CUL4A: variants seen among roughly 807,000 people sequenced by gnomAD.
CUL4A encodes the protein cullin 4A, also known as cullin-4A.
CUL4A carries 16 observed loss-of-function variants against 95.5 expected under a neutral mutation model. The observed-to-expected ratio is 0.17, with a 90% confidence interval of 0.11 to 0.25. CUL4A has a LOEUF of 0.25. CUL4A is among the 10% of genes least tolerant of loss of function. The probability of loss-of-function intolerance (pLI) is 1.00; values close to 1 mark genes in which losing one functional copy is unlikely to be tolerated. For missense variants in CUL4A, 610 were observed against 937.0 expected (o/e 0.65, Z 4.56); for synonymous variants, 380 against 353.1 (o/e 1.08, Z -0.85).
In CUL4A at chr13:113,239,336, G is replaced by A. The variant is rs565204909; in HGVS notation, c.917-97G>A. On this transcript the variant is annotated intron_variant, in intron 9 of 19. Coordinates refer to ENST00000375440, the MANE Select transcript of CUL4A (RefSeq NM_001008895.4). Reference sequence around the variant, plus strand: ...GTGGAGACCCGCCCAATTTCTAAGCGGTGTATTGACGTTCTTCTGGTGCAC... The same window carrying A: ...GTGGAGACCCGCCCAATTTCTAAGCAGTGTATTGACGTTCTTCTGGTGCAC... 40 of 1,014,214 alleles carry A rather than the reference G, an allele frequency of 3.9e-5. 1 individual carries two copies. The East Asian group carries it at 4.8e-4, about 12-fold the overall frequency. The allele number at this position is 1,014,214 out of a possible 1,614,324, so 62.8% of individuals were successfully genotyped here.
At chr13:113,212,359 G>T (rs2040482241) in intron 2 of CUL4A, among the ~76,000 whole-genome samples, 1 of 152,190 alleles carries the variant, frequency 6.6e-6, no homozygotes, top group South Asian at 2.1e-4. Context: ...TAGTATCCAA[G>T]AAATCTTGCT....
intron 11 of CUL4A, chr13:113,244,175 A>C: frequency 2.5e-6 from 1 of 399,420 alleles, no homozygotes; most frequent in Non-Finnish European, 4.5e-6. Flanking sequence ...TTTAAAGATA[A>C]GAAAGATATT....
chr13:113,247,159 AG>A (rs1219962261), intron 15 of CUL4A, among the ~76,000 whole-genome samples: 1 of 152,150 alleles, frequency 6.6e-6, no homozygotes, highest in African/African-American at 2.4e-5. Context: ...TCATTACCAC[AG>A]GGAGGGCGCC....
chr13:113,212,822 C>T (rs1336425367), intron 2 of CUL4A, among the ~76,000 whole-genome samples: 1 of 152,124 alleles, frequency 6.6e-6, no homozygotes, highest in Non-Finnish European at 1.5e-5. Context: ...CAGTGTTTTC[C>T]CTGCAAATGT....
intron 3 of CUL4A, among the ~76,000 whole-genome samples, chr13:113,225,965 C>G (rs960701647): frequency 4.6e-5 from 7 of 152,162 alleles, no homozygotes; most frequent in Non-Finnish European, 8.8e-5. Context: ...TCTGCAAAGC[C>G]TCAAGAAAAA....
At chr13:113,248,934 G>C (rs1325688386) in intron 15 of CUL4A, among the ~76,000 whole-genome samples, 3 of 152,164 alleles carry the variant, frequency 2.0e-5, no homozygotes, top group African/African-American at 7.2e-5. Context: ...ACCTGAGATT[G>C]GTTGAATCCA....
chr13:113,234,098 ATCT>A (rs948862460), intron 7 of CUL4A, 112 bp downstream of exon 7: 4 of 628,444 alleles, frequency 6.4e-6, no homozygotes, highest in African/African-American at 3.8e-5. Context: ...TTCATTGAAA[ATCT>A]TCTGAAAGCT....
chr13:113,235,755 A>G (rs1039783004), intron 8 of CUL4A, among the ~76,000 whole-genome samples: 1 of 151,972 alleles, frequency 6.6e-6, no homozygotes, highest in Non-Finnish European at 1.5e-5. Flanking sequence ...CAGATCACAA[A>G]GTCAGGAGAT....
chr13:113,211,081 A>C (rs975988130), intron 2 of CUL4A, among the ~76,000 whole-genome samples: 1 of 152,230 alleles, frequency 6.6e-6, no homozygotes, highest in Non-Finnish European at 1.5e-5. Context: ...GAATGGTAGA[A>C]TATTGCTACC....
intron 4 of CUL4A, among the ~76,000 whole-genome samples, chr13:113,228,895 C>A (rs1188905488): frequency 2.0e-5 from 3 of 151,418 alleles, no homozygotes; most frequent in Admixed American, 2.0e-4. Context: ...CCGAGGCGGG[C>A]GGATCACGAG....
chr13:113,211,840 A>AT (rs2040458175), intron 2 of CUL4A, among the ~76,000 whole-genome samples: 1 of 151,986 alleles, frequency 6.6e-6, no homozygotes, highest in Admixed American at 6.5e-5. Flanking sequence ...TTTGTACGGA[A>AT]TTTCTTGTTT....
intron 2 of CUL4A, among the ~76,000 whole-genome samples, chr13:113,217,419 T>C (rs2040735663): frequency 6.6e-6 from 1 of 152,200 alleles, no homozygotes; most frequent in Non-Finnish European, 1.5e-5. Flanking sequence ...AGGGGGAAAG[T>C]TTGTATTTCT....
upstream of CUL4A, chr13:113,209,059 A>G: frequency 4.3e-6 from 1 of 233,570 alleles, no homozygotes; most frequent in Non-Finnish European, 6.8e-6. Flanking sequence ...GGGGAGGGAC[A>G]TGGCGCGCGC....
chr13:113,222,292 G>A (rs1352726467), intron 3 of CUL4A, among the ~76,000 whole-genome samples: 2 of 152,174 alleles, frequency 1.3e-5, no homozygotes, highest in African/African-American at 4.8e-5. Flanking sequence ...TAGTGTGCCT[G>A]TGTGTGTGCA....
chr13:113,260,584 C>CTT (rs762522828), intron 18 of CUL4A, 23 bp from the exon 19 acceptor site: 1 of 1,568,732 alleles, frequency 6.4e-7, no homozygotes, highest in African/African-American at 1.4e-5. Flanking sequence ...TTACACTTAA[C>CTT]TTTTTTTTTC....
At position 113,227,997 on chromosome 13, in the gene CUL4A, A is replaced by G. The variant is rs1374079869; in HGVS notation, c.390A>G (p.Leu130=). The change falls in exon 4 of 20, where the codon TTA becomes TTG. Residue 130 remains leucine, a synonymous_variant. Transcript: ENST00000375440. ...PFREDSLDSV[L]FLKKINTCWQ... ...GTACAGACTCACTAGATAGTGTTTT[A>G]TTTTTAAAGAAGATTAACACGTGCT... 1 of 1,612,530 alleles carries G rather than the reference A, an allele frequency of 6.2e-7. No homozygotes were observed. Among genetic ancestry groups the G allele is most frequent in the Non-Finnish European group, 8.5e-7 (1 of 1,178,762 alleles).
chr13:113,221,503 G>T (rs540858116), intron 3 of CUL4A, among the ~76,000 whole-genome samples: 2 of 152,178 alleles, frequency 1.3e-5, no homozygotes, highest in African/African-American at 2.4e-5. Flanking sequence ...CCCGAATGGC[G>T]GTGGCAAAAG....
chr13:113,213,863 T>A (rs1351984390), intron 2 of CUL4A, among the ~76,000 whole-genome samples: 2 of 152,232 alleles, frequency 1.3e-5, no homozygotes, highest in African/African-American at 4.8e-5. Flanking sequence ...CACTTACTTG[T>A]GATCATCTCT....
At chr13:113,253,328 T>G (rs964333634) in intron 16 of CUL4A, 133 bp downstream of exon 16, 11 of 433,452 alleles carry the variant, frequency 2.5e-5, no homozygotes, top group African/African-American at 2.2e-4. Context: ...TCAATAAAAT[T>G]TGTAACAGTT....
Sources: allele counts gnomAD v4.1 joint callset (sites outside exome capture counted in the v4.1 genomes callset), GRCh38; gene constraint gnomAD v4.1.1; transcripts MANE v1.5; gene names NCBI Gene and HGNC (gene_info 2026-07-23, HGNC 2026-07-21).